The following ANKRD44 variants were observed in gnomAD, a reference collection of about 807,000 sequenced individuals.
ANKRD44 encodes the protein ankyrin repeat domain 44, also known as serine/threonine-protein phosphatase 6 regulatory ankyrin repeat subunit B.
Under a neutral mutation model 116.0 loss-of-function variants are expected in ANKRD44, and 35 were observed. The observed-to-expected ratio is 0.30, with a 90% CI of 0.23 to 0.40. ANKRD44 has a LOEUF of 0.40. ANKRD44 is among the 10% of genes least tolerant of loss of function. The pLI is 1.00. For missense variants in ANKRD44, 1,014 were observed against 1,242.6 expected, an observed-to-expected ratio of 0.82 and a Z score of 2.77; for synonymous variants, 435 against 461.8, an observed-to-expected ratio of 0.94 and a Z score of 0.74.
chr2:197,001,020 A>G (rs912382620), intron 22 of ANKRD44, among the ~76,000 whole-genome samples: 1 of 152,274 alleles, frequency 6.6e-6, no homozygotes, highest in Admixed American at 6.5e-5. Context: ...CCTAGGCGAC[A>G]GAGCGAGACT....
At chr2:197,182,584 T>C (rs979055184) in intron 2 of ANKRD44, among the ~76,000 whole-genome samples, 3 of 152,190 alleles carry the variant, frequency 2.0e-5, no homozygotes, top group South Asian at 2.1e-4. Context: ...GTGAATAAGA[T>C]AGTGACCATG....
intron 2 of ANKRD44, among the ~76,000 whole-genome samples, chr2:197,181,278 C>A (rs1257285893): frequency 4.6e-5 from 7 of 152,112 alleles, no homozygotes; most frequent in African/African-American, 1.7e-4. Context: ...GACAATTCAA[C>A]TGAAAAAAGG....
intron 1 of ANKRD44, among the ~76,000 whole-genome samples, chr2:197,242,626 TC>T (rs1329768678): frequency 2.0e-5 from 3 of 152,148 alleles, no homozygotes; most frequent in Non-Finnish European, 4.4e-5. Flanking sequence ...ACCAGGCTGT[TC>T]CCCCTATGGA....
chr2:197,111,261 T>C (rs1016823654), intron 8 of ANKRD44, among the ~76,000 whole-genome samples: 9 of 152,314 alleles, frequency 5.9e-5, no homozygotes, highest in African/African-American at 1.9e-4. Flanking sequence ...CCTTTGTCTA[T>C]AGTACACAAA....
intron 10 of ANKRD44, among the ~76,000 whole-genome samples, chr2:197,096,176 T>C (rs189040701): frequency 2.6e-5 from 4 of 152,192 alleles, no homozygotes; most frequent in Non-Finnish European, 4.4e-5. Context: ...ACACTTAGCA[T>C]GCATGATTGT....
chr2:197,154,483 T>G (rs2079756203), intron 2 of ANKRD44, among the ~76,000 whole-genome samples: 1 of 149,956 alleles, frequency 6.7e-6, no homozygotes, highest in East Asian at 2.0e-4. Flanking sequence ...CCGGCCACTA[T>G]CGGCTTTCTT....
At chr2:197,197,140 T>C (rs2080969392) in intron 1 of ANKRD44, among the ~76,000 whole-genome samples, 1 of 152,176 alleles carries the variant, frequency 6.6e-6, no homozygotes, top group African/African-American at 2.4e-5. Flanking sequence ...GAAAATCTAT[T>C]AGAGAATCCC....
chr2:197,287,138 A>G (rs1020227505), intron 1 of ANKRD44, among the ~76,000 whole-genome samples: 5 of 152,198 alleles, frequency 3.3e-5, no homozygotes, highest in Non-Finnish European at 5.9e-5. Flanking sequence ...TAACAAATGT[A>G]CCACTCTAGT....
rs2078957059 is a variant in ANKRD44 at position 197,125,589 on chromosome 2, T to A, written c.463-121A>T. 3.9e-6 allele frequency: 4 copies of A among 1,012,914 alleles called. No individual in the cohort carries two copies. The Admixed American group carries it at 7.6e-5, about 19-fold the overall frequency. The allele number at this position is 1,012,914 out of a possible 1,614,324, so 62.7% of individuals were successfully genotyped here. On this transcript the variant is annotated intron_variant, in intron 5 of 27. Transcript: ENST00000282272. Reference sequence around the variant, plus strand: ...CTAAAGGCAGGTCAGAGATCTGGAGTTCTGACAAAGTAGAAATATGATGTC... The same window carrying A: ...CTAAAGGCAGGTCAGAGATCTGGAGATCTGACAAAGTAGAAATATGATGTC...
intron 1 of ANKRD44, among the ~76,000 whole-genome samples, chr2:197,278,455 C>T (rs929872424): frequency 2.0e-5 from 3 of 152,006 alleles, no homozygotes; most frequent in Non-Finnish European, 4.4e-5. Flanking sequence ...CTCCCGGGTT[C>T]AAGCAATTCT....
chr2:196,984,811 T>A (rs1574217925), downstream of ANKRD44, among the ~76,000 whole-genome samples: 1 of 152,242 alleles, frequency 6.6e-6, no homozygotes, highest in African/African-American at 2.4e-5. Flanking sequence ...AGTATGATGT[T>A]ACAGCCTCAA....
At chr2:197,231,203 G>A (rs34172590) in intron 1 of ANKRD44, among the ~76,000 whole-genome samples, 24,003 of 152,032 alleles carry the variant, frequency 0.16, 2,421 homozygotes, top group African/African-American at 0.29. Context: ...CAGGAGGATC[G>A]CTTAAGCCTA....
intron 26 of ANKRD44, among the ~76,000 whole-genome samples, chr2:196,994,360 A>AT (rs1156808847): frequency 4.0e-5 from 6 of 150,692 alleles, no homozygotes; most frequent in Non-Finnish European, 7.4e-5. Context: ...TAATTTTTTT[A>AT]TTTTTTGTAG....
chr2:197,096,078 T>C (rs890509463), intron 10 of ANKRD44, among the ~76,000 whole-genome samples: 1 of 152,206 alleles, frequency 6.6e-6, no homozygotes, highest in Non-Finnish European at 1.5e-5. Context: ...AACCTTTACA[T>C]CTTGCTTCTC....
chr2:197,305,529 C>G (rs2084042330), intron 1 of ANKRD44, among the ~76,000 whole-genome samples: 1 of 151,970 alleles, frequency 6.6e-6, no homozygotes. Flanking sequence ...GTTTCTGGTA[C>G]AAACAATTTG....
At chr2:197,232,287 T>C (rs1012449685) in intron 1 of ANKRD44, among the ~76,000 whole-genome samples, 1 of 152,204 alleles carries the variant, frequency 6.6e-6, no homozygotes, top group African/African-American at 2.4e-5. Flanking sequence ...ATCCGAGCCC[T>C]GTATAAGCAT....
rs116425432 is a variant in ANKRD44 at position 196,973,869 on chromosome 2, A to C, written c.2369-6423T>G. The stretch of plus-strand genomic sequence containing the variant: ...CACTGAGTTTCATGACGTTAAACAT[A>C]CATCTCTACACTGAGACCCACCATG... On this transcript the variant is annotated intron_variant, in intron 21 of 21. Coordinates refer to the ANKRD44 transcript ENST00000424317. Among the ~76,000 whole-genome samples the C allele has an allele frequency of 7.9e-3, 1,196 of 152,288 alleles. 5 individuals are homozygous for C. Among genetic ancestry groups the C allele is most frequent in the Non-Finnish European group, 0.013 (870 of 68,020 alleles).
chr2:197,279,785 G>C (rs557147301), intron 1 of ANKRD44, among the ~76,000 whole-genome samples: 1 of 152,272 alleles, frequency 6.6e-6, no homozygotes, highest in South Asian at 2.1e-4. Context: ...ACTCCAATGA[G>C]AGCCATCAGC....
Position 196,988,090 on chromosome 2 carries a change from G to A in ANKRD44, c.*1501C>T, listed in dbSNP as rs2075859360. 3 of 985,312 alleles carry A rather than the reference G, an allele frequency of 3.0e-6. No individual in the cohort carries two copies. Among genetic ancestry groups the A allele is most frequent in the South Asian group, 4.7e-5 (1 of 21,284 alleles). The allele number at this position is 985,312 out of a possible 1,614,324, so 61.0% of individuals were successfully genotyped here. A position where few individuals can be genotyped will look rare whatever the true frequency, so the allele number is the denominator to read the frequency against. Reference sequence around the variant, plus strand: ...GTAAGAGAGTGGGAAAAGTCAAAACGCAGCTCCATGGAGATAACGTCTCAT... The same window carrying A: ...GTAAGAGAGTGGGAAAAGTCAAAACACAGCTCCATGGAGATAACGTCTCAT... On this transcript the variant is annotated 3_prime_UTR_variant, in exon 28 of 28. Coordinates refer to ENST00000282272, the MANE Select transcript of ANKRD44 (RefSeq NM_001195144.2).
Sources: gnomAD v4.1 joint callset for allele counts (sites outside exome capture counted in the v4.1 genomes callset) on GRCh38, gnomAD v4.1.1 for gene constraint, MANE v1.5 for transcripts, NCBI Gene and HGNC (gene_info 2026-07-23, HGNC 2026-07-21) for gene names.